RPL34: variants seen among roughly 807,000 people sequenced by gnomAD.
RPL34 encodes the protein ribosomal protein L34.
In RPL34, 2 loss-of-function variants were observed where a neutral mutation model predicts 16.3. That is an observed-to-expected ratio of 0.12 (90% CI 0.05 to 0.39). The LOEUF (loss-of-function observed/expected upper bound fraction) is 0.39, where lower values mean the gene tolerates loss of function less well. Ranked by LOEUF, RPL34 falls within the 10% of genes least tolerant of loss-of-function variation. The probability of loss-of-function intolerance (pLI) is 0.99; values close to 1 mark genes in which losing one functional copy is unlikely to be tolerated. For missense variants in RPL34, 82 were observed against 148.8 expected, an observed-to-expected ratio of 0.55 and a Z score of 2.33; for synonymous variants, 47 against 48.5, an observed-to-expected ratio of 0.97 and a Z score of 0.13.
downstream of RPL34, among the ~76,000 whole-genome samples, chr4:108,626,446 CCTT>C (rs1217059467): frequency 2.3e-5 from 3 of 127,694 alleles, no homozygotes; most frequent in Admixed American, 8.8e-5. Flanking sequence ...TGGCTGACAA[CCTT>C]TTTTTTTTTT....
At chr4:108,622,705 CATTTT>C in intron 4 of RPL34, 87 bp downstream of exon 4, 1 of 749,940 alleles carries the variant, frequency 1.3e-6, no homozygotes, top group Non-Finnish European at 2.2e-6. Context: ...TGAAGCAACT[CATTTT>C]AAACCAGTTG....
downstream of RPL34, among the ~76,000 whole-genome samples, chr4:108,629,007 A>G (rs1726100761): frequency 6.6e-6 from 1 of 152,024 alleles, no homozygotes; most frequent in Admixed American, 6.6e-5. Context: ...TTTAGTAGAG[A>G]CGGGTTCGCC....
downstream of RPL34, among the ~76,000 whole-genome samples, chr4:108,626,319 A>G (rs578055241): frequency 1.3e-5 from 2 of 151,852 alleles, no homozygotes; most frequent in East Asian, 1.9e-4. Flanking sequence ...TTTTTGAGAA[A>G]CAGTTTCACC....
chr4:108,622,844 T>A, intron 4 of RPL34: 1 of 411,318 alleles, frequency 2.4e-6, no homozygotes, highest in Non-Finnish European at 4.3e-6. Flanking sequence ...AACTTGGTTT[T>A]GTTCAGGAGG....
rs1419434098 is a variant in RPL34, at chr4:108,625,121, T to G, written c.270-7T>G. The G allele has an allele frequency of 6.3e-7, 1 of 1,595,248 alleles. No individual in the cohort carries two copies. Among genetic ancestry groups the G allele is most frequent in the South Asian group, 1.1e-5 (1 of 90,030 alleles). On this transcript the variant is annotated splice_region_variant and splice_polypyrimidine_tract_variant and intron_variant, in intron 4 of 4. Coordinates refer to ENST00000394667, the MANE Select transcript of RPL34 (RefSeq NM_001319236.2). ...AGAAATGATTAATTTGGTATTTTCCTTTCTAGGATCAAGCGTGCTTTCCTT... is the reference window on the plus strand; with the variant it reads ...AGAAATGATTAATTTGGTATTTTCCGTTCTAGGATCAAGCGTGCTTTCCTT...
chr4:108,622,483 A>G (rs1237331326), intron 3 of RPL34, 32 bp from the exon 4 acceptor site: 3 of 1,528,568 alleles, frequency 2.0e-6, no homozygotes, highest in Non-Finnish European at 2.7e-6. Context: ...CTGTTAAAGC[A>G]TCACAAAAAT....
chr4:108,623,797 A>G (rs534176419), intron 4 of RPL34, among the ~76,000 whole-genome samples: 155 of 152,354 alleles, frequency 1.0e-3, no homozygotes, highest in African/African-American at 3.6e-3. Context: ...AGTAGGAGAT[A>G]CTACATTAAT....
chr4:108,627,084 A>C (rs1278508399), downstream of RPL34, among the ~76,000 whole-genome samples: 1 of 152,096 alleles, frequency 6.6e-6, no homozygotes, highest in Non-Finnish European at 1.5e-5. Flanking sequence ...CTAAAAATAC[A>C]AAAAACTAGC....
chr4:108,627,615 A>G (rs1467919254), downstream of RPL34, among the ~76,000 whole-genome samples: 1 of 151,448 alleles, frequency 6.6e-6, no homozygotes, highest in African/African-American at 2.4e-5. Context: ...TAATCCCAGC[A>G]CTTTGGGAGG....
At position 108,622,136 on chromosome 4, in the gene RPL34, C is replaced by T; in HGVS notation, c.97C>T (p.Leu33Phe). The T allele has an allele frequency of 1.9e-6, 3 of 1,613,854 alleles. No homozygotes were observed. The highest frequency in any genetic ancestry group is 1.3e-5 in the African/African-American group (1 of 74,984). ...AACCCCTGGTAATAGAATTGTTTAC[C>T]TTTATACCAAGAAGGTTGGGAAAGC... Reference protein sequence around the residue: ...SRTPGNRIVYLYTKKVGKAPK... With the variant: ...SRTPGNRIVYFYTKKVGKAPK... The change falls in exon 3 of 5, where the codon CTT (leucine) becomes TTT (phenylalanine). Residue 33 changes from leucine (L) to phenylalanine (F), a missense_variant. Transcript: ENST00000394667.
At chr4:108,624,865 T>TC (rs202169763) in intron 4 of RPL34, among the ~76,000 whole-genome samples, 2,081 of 152,288 alleles carry the variant, frequency 0.014, 42 homozygotes, top group African/African-American at 0.047. Flanking sequence ...ATTAGAGCTC[T>TC]CATAAGTGGT....
downstream of RPL34, among the ~76,000 whole-genome samples, chr4:108,628,528 C>T (rs2110369274): frequency 6.6e-6 from 1 of 152,268 alleles, no homozygotes; most frequent in East Asian, 1.9e-4. Context: ...GCCTATTTGC[C>T]ACCCCAACCT....
downstream of RPL34, among the ~76,000 whole-genome samples, chr4:108,627,569 A>G (rs1439340153): frequency 2.0e-5 from 3 of 152,034 alleles, no homozygotes; most frequent in African/African-American, 4.8e-5. Flanking sequence ...ACTCCCTTTT[A>G]AGAATTTAAC....
chr4:108,626,196 G>A (rs567245192), downstream of RPL34, among the ~76,000 whole-genome samples: 14 of 152,244 alleles, frequency 9.2e-5, no homozygotes, highest in South Asian at 2.9e-3. Flanking sequence ...AGCCTGGAGT[G>A]CAATCTTGGC....
chr4:108,626,447 C>CTTTT (rs34343318), downstream of RPL34, among the ~76,000 whole-genome samples: 63 of 117,058 alleles, frequency 5.4e-4, 2 homozygotes, highest in South Asian at 5.8e-3. Flanking sequence ...GGCTGACAAC[C>CTTTT]TTTTTTTTTT....
downstream of RPL34, among the ~76,000 whole-genome samples, chr4:108,627,218 G>C (rs1179370796): frequency 2.0e-5 from 3 of 151,736 alleles, no homozygotes; most frequent in Admixed American, 1.3e-4. Flanking sequence ...TCGCCTGTGC[G>C]ACAGAGCGAG....
intron 1 of RPL34, chr4:108,621,606 C>T: frequency 3.9e-6 from 1 of 255,416 alleles, no homozygotes; most frequent in Non-Finnish European, 7.8e-6. Context: ...CTTCAGAGCT[C>T]ACTTTTTGTG....
In RPL34 at chr4:108,621,858, T is replaced by C. The variant is rs561546261; in HGVS notation, c.-9-93T>C. 358 of 808,924 alleles carry C rather than the reference T, an allele frequency of 4.4e-4. 2 individuals are homozygous for C. The African/African-American group carries it at 5.4e-3, about 12-fold the overall frequency. 50.1% of individuals were successfully genotyped at this position (808,924 alleles called of 1,614,324 possible). On this transcript the variant is annotated intron_variant, in intron 1 of 4. Coordinates refer to ENST00000394667, the MANE Select transcript of RPL34 (RefSeq NM_001319236.2). ...TTTAAGGGTGTTACATACAAGGATA[T>C]GTATGTGAATGAAATAGACCACATG... is the stretch of plus-strand genomic sequence containing the variant.
At chr4:108,625,020 G>C (rs938440222) in intron 4 of RPL34, 108 bp from the exon 5 acceptor site, 4 of 700,484 alleles carry the variant, frequency 5.7e-6, no homozygotes, top group Non-Finnish European at 7.5e-6. Context: ...AGTTTCCTGG[G>C]TTCCCTGATT....
Sources: allele counts gnomAD v4.1 joint callset (sites outside exome capture counted in the v4.1 genomes callset), GRCh38; gene constraint gnomAD v4.1.1; transcripts MANE v1.5; gene names NCBI Gene and HGNC (gene_info 2026-07-23, HGNC 2026-07-21).